Variants in GALNT13 observed in about 807,000 individuals in gnomAD.
GALNT13 encodes the protein UDP-GalNAc:polypeptide N-acetylgalactosaminyltransferase 13.
GALNT13 carries 28 observed loss-of-function variants against 64.2 expected under a neutral mutation model. That is an observed-to-expected ratio of 0.44 (90% CI 0.32 to 0.60). The LOEUF is 0.60. GALNT13 is among the 20% of genes least tolerant of loss of function. The probability of loss-of-function intolerance (pLI) is 0.05; values close to 1 mark genes in which losing one functional copy is unlikely to be tolerated. For missense variants in GALNT13, 577 were observed against 669.8 expected (o/e 0.86, Z 1.53); for synonymous variants, 214 against 224.6 (o/e 0.95, Z 0.42).
chr2:153,131,836 T>C, the GALNT13 span, among the ~76,000 whole-genome samples: 3 of 151,960 alleles, frequency 2.0e-5, no homozygotes, highest in African/African-American at 7.3e-5. Flanking sequence ...GCATTTGGAG[T>C]ATGAGTAAAT....
the GALNT13 span, among the ~76,000 whole-genome samples, chr2:153,685,088 C>T: frequency 3.1e-4 from 47 of 151,742 alleles, no homozygotes; most frequent in South Asian, 1.2e-3. Context: ...TCCATGTCTT[C>T]GCTATTGTGA....
chr2:154,032,456 A>G (rs1439865958), intron 3 of GALNT13, among the ~76,000 whole-genome samples: 2 of 151,952 alleles, frequency 1.3e-5, no homozygotes, highest in Non-Finnish European at 2.9e-5. Context: ...TCACCAAGAA[A>G]AGAAATTGCC....
At chr2:153,691,230 T>C in the GALNT13 span, among the ~76,000 whole-genome samples, 1 of 152,198 alleles carries the variant, frequency 6.6e-6, no homozygotes, top group Non-Finnish European at 1.5e-5. Flanking sequence ...TATTATGTAT[T>C]ATATATTTTC....
chr2:153,155,798 T>C, the GALNT13 span, among the ~76,000 whole-genome samples: 3 of 152,162 alleles, frequency 2.0e-5, no homozygotes, highest in African/African-American at 4.8e-5. Flanking sequence ...CTAGTTCTTC[T>C]AGTGGTGAAA....
chr2:153,251,500 A>G, the GALNT13 span, among the ~76,000 whole-genome samples: 8 of 152,188 alleles, frequency 5.3e-5, no homozygotes, highest in East Asian at 1.5e-3. Flanking sequence ...TTTAAGTTTT[A>G]GAGTACATGT....
the GALNT13 span, among the ~76,000 whole-genome samples, chr2:153,197,983 T>C: frequency 6.6e-6 from 1 of 152,180 alleles, no homozygotes; most frequent in Non-Finnish European, 1.5e-5. Flanking sequence ...CCTGGTACAC[T>C]GTACCTCCCT....
At chr2:153,558,361 G>A in the GALNT13 span, among the ~76,000 whole-genome samples, 1 of 152,154 alleles carries the variant, frequency 6.6e-6, no homozygotes, top group Non-Finnish European at 1.5e-5. Context: ...TATCCTTAGT[G>A]GGCAGGTGTA....
chr2:153,465,034 C>G, the GALNT13 span, among the ~76,000 whole-genome samples: 1 of 152,028 alleles, frequency 6.6e-6, no homozygotes, highest in Admixed American at 6.6e-5. Context: ...TAAGTGGTCT[C>G]CTCCACAGTG....
At chr2:153,835,753 A>G in the GALNT13 span, among the ~76,000 whole-genome samples, 1 of 152,080 alleles carries the variant, frequency 6.6e-6, no homozygotes, top group African/African-American at 2.4e-5. Context: ...CTGTCATATT[A>G]AAATACTTTA....
the GALNT13 span, among the ~76,000 whole-genome samples, chr2:153,746,062 G>A: frequency 2.6e-5 from 4 of 152,046 alleles, no homozygotes; most frequent in East Asian, 1.9e-4. Context: ...ATAGTGATAC[G>A]CTATGCTTCA....
chr2:154,276,543 G>A, intron 8 of GALNT13, among the ~76,000 whole-genome samples: 1 of 152,206 alleles, frequency 6.6e-6, no homozygotes. Context: ...GTCAGACTGT[G>A]ACTTTTGAGT....
intron 11 of GALNT13, among the ~76,000 whole-genome samples, chr2:154,428,421 AG>A (rs1388636814): frequency 6.6e-6 from 1 of 152,234 alleles, no homozygotes; most frequent in East Asian, 1.9e-4. Flanking sequence ...ATTTAAATGT[AG>A]GGAAATCAAA....
chr2:153,112,914 C>CT, the GALNT13 span, among the ~76,000 whole-genome samples: 2 of 152,062 alleles, frequency 1.3e-5, no homozygotes, highest in Admixed American at 6.5e-5. Context: ...AATCTAAGAG[C>CT]TTTTTTCTCA....
chr2:154,285,876 A>G (rs1028733831), intron 8 of GALNT13, among the ~76,000 whole-genome samples: 3 of 152,132 alleles, frequency 2.0e-5, no homozygotes, highest in African/African-American at 4.8e-5. Flanking sequence ...TCAATTTTTT[A>G]GTCAATGTTT....
intron 4 of GALNT13, among the ~76,000 whole-genome samples, chr2:154,144,790 A>G (rs1340595026): frequency 6.6e-6 from 1 of 152,006 alleles, no homozygotes; most frequent in Non-Finnish European, 1.5e-5. Context: ...GCAGTTGTGA[A>G]TAACCATCAG....
chr2:153,800,546 G>C, the GALNT13 span, among the ~76,000 whole-genome samples: 1 of 152,260 alleles, frequency 6.6e-6, no homozygotes, highest in East Asian at 1.9e-4. Context: ...GCTCACAGTA[G>C]AATTTCTTTC....
chr2:153,455,763 C>G, the GALNT13 span, among the ~76,000 whole-genome samples: 1 of 152,130 alleles, frequency 6.6e-6, no homozygotes, highest in Non-Finnish European at 1.5e-5. Flanking sequence ...TGCCCTCAAG[C>G]AGCGAAGGCA....
intron 9 of GALNT13, among the ~76,000 whole-genome samples, chr2:154,393,877 G>A (rs925922057): frequency 1.1e-4 from 16 of 151,254 alleles, no homozygotes; most frequent in African/African-American, 3.6e-4. Context: ...AGGAGATCGA[G>A]ACCATCCCGG....
chr2:154,145,789 T>A (rs971669545), intron 4 of GALNT13, among the ~76,000 whole-genome samples: 2 of 151,966 alleles, frequency 1.3e-5, no homozygotes, highest in Non-Finnish European at 2.9e-5. Context: ...AGACATAGTA[T>A]ATATTTTTTC....
Sources: allele counts gnomAD v4.1 joint callset (sites outside exome capture counted in the v4.1 genomes callset), GRCh38; gene constraint gnomAD v4.1.1; transcripts MANE v1.5; gene names NCBI Gene and HGNC (gene_info 2026-07-23, HGNC 2026-07-21).